Variants in GPRIN3 observed in about 807,000 individuals in gnomAD.
GPRIN3 encodes G protein-regulated inducer of neurite outgrowth 3.
Under a neutral mutation model 13.7 loss-of-function variants are expected in GPRIN3, and 12 were observed. The observed-to-expected ratio is 0.87, with a 90% CI of 0.56 to 1.42. The LOEUF is 1.42. GPRIN3 is among the 40% of genes most tolerant of loss of function. The pLI is 0.00. For synonymous variants in GPRIN3, 377 were observed against 372.7 expected (o/e 1.01, Z -0.13); for missense variants, 1,009 against 958.7 (o/e 1.05, Z -0.69).
At chr4:89,267,077 C>A (rs953711193) in intron 1 of GPRIN3, among the ~76,000 whole-genome samples, 2 of 152,026 alleles carry the variant, frequency 1.3e-5, no homozygotes, top group African/African-American at 4.8e-5. Flanking sequence ...TAAAACTATT[C>A]TTTTGTATTT....
At chr4:89,253,554 C>T (rs1400669981) in intron 1 of GPRIN3, among the ~76,000 whole-genome samples, 1 of 152,202 alleles carries the variant, frequency 6.6e-6, no homozygotes. Flanking sequence ...AAAACATGAA[C>T]AGCTCAAAGT....
chr4:89,246,144 G>A lies in GPRIN3; in HGVS notation c.*1636C>T, dbSNP rs994374330. On this transcript the variant is annotated 3_prime_UTR_variant, in exon 2 of 2. Transcript: ENST00000609438. The stretch of plus-strand genomic sequence containing the variant: ...AGAATGTGCAGAACAGAATTAAAGT[G>A]AAAAAAGCCAGAACAGATACTGTGA... 2 of 152,136 alleles carry A rather than the reference G, an allele frequency of 1.3e-5. No individual in the cohort carries two copies. Among genetic ancestry groups the A allele is most frequent in the Non-Finnish European group, 1.5e-5 (1 of 68,042 alleles). 9.4% of individuals were successfully genotyped at this position (152,136 alleles called of 1,614,324 possible).
chr4:89,305,594 A>G (rs1725011839), intron 1 of GPRIN3, among the ~76,000 whole-genome samples: 1 of 152,186 alleles, frequency 6.6e-6, no homozygotes, highest in Non-Finnish European at 1.5e-5. Context: ...TCTGAGCCCA[A>G]CATTTTATAA....
chr4:89,265,998 G>C (rs778144207), intron 1 of GPRIN3, among the ~76,000 whole-genome samples: 2 of 152,156 alleles, frequency 1.3e-5, no homozygotes, highest in African/African-American at 4.8e-5. Flanking sequence ...AACACAAAGC[G>C]CTACATTTTT....
At chr4:89,307,299 C>A (rs963912704) in intron 1 of GPRIN3, among the ~76,000 whole-genome samples, 1 of 139,784 alleles carries the variant, frequency 7.2e-6, no homozygotes, top group African/African-American at 2.9e-5. Flanking sequence ...ACACACACAC[C>A]CCTCATATTC....
chr4:89,251,214 G>T (rs2149257567), intron 1 of GPRIN3: 1 of 152,138 alleles, frequency 6.6e-6, no homozygotes, highest in Middle Eastern at 3.4e-3. Flanking sequence ...ATGAAAAGAT[G>T]ATCAAATTCA....
chr4:89,249,795 T>C lies in GPRIN3; in HGVS notation c.316A>G (p.Ser106Gly), dbSNP rs767842834. 2.0e-5 allele frequency: 32 copies of C among 1,614,074 alleles called. No homozygotes were observed. In the Admixed American group the frequency reaches 5.3e-4, roughly 27 times the overall value. Residue 106 changes from serine to glycine, a missense_variant, in exon 2 of 2, where the codon AGC becomes GGC. By Grantham distance (56) the Ser-to-Gly change is moderately conservative. Coordinates refer to ENST00000609438, the MANE Select transcript of GPRIN3 (RefSeq NM_198281.3). Reference protein sequence around the residue: ...SPGNPQLPGSSQPAASAPSSA... With the variant: ...SPGNPQLPGSGQPAASAPSSA... ...CTCGGGGCTGATGCTGCGGGCTGGCTGCTCCCTGGCAGCTGGGGATTGCCG... is the reference window on the plus strand; with the variant it reads ...CTCGGGGCTGATGCTGCGGGCTGGCCGCTCCCTGGCAGCTGGGGATTGCCG...
At chr4:89,270,871 T>A (rs920167860) in intron 1 of GPRIN3, among the ~76,000 whole-genome samples, 29 of 151,928 alleles carry the variant, frequency 1.9e-4, no homozygotes, top group Non-Finnish European at 3.5e-4. Context: ...AAATTGGAAC[T>A]TGGTGCAGCC....
At chr4:89,296,414 A>T (rs1325779156) in intron 1 of GPRIN3, among the ~76,000 whole-genome samples, 2 of 152,222 alleles carry the variant, frequency 1.3e-5, no homozygotes, top group Non-Finnish European at 2.9e-5. Flanking sequence ...CTACAGTTTT[A>T]AGAAGGAATT....
intron 1 of GPRIN3, among the ~76,000 whole-genome samples, chr4:89,293,112 T>C (rs1724628613): frequency 6.6e-6 from 1 of 152,230 alleles, no homozygotes; most frequent in Non-Finnish European, 1.5e-5. Context: ...TTTGCATAAG[T>C]CTATAGAAGT....
At chr4:89,302,822 C>T (rs72874806) in intron 1 of GPRIN3, among the ~76,000 whole-genome samples, 279 of 152,064 alleles carry the variant, frequency 1.8e-3, no homozygotes, top group African/African-American at 6.2e-3. Context: ...CTAATTTGAA[C>T]ACTCTGATAT....
At position 89,241,382 on chromosome 4, in the gene GPRIN3, A is replaced by G. The variant is rs1333221643; in HGVS notation, c.*6398T>C. The G allele has an allele frequency of 3.3e-5, 5 of 152,194 alleles. No homozygotes were observed. The highest frequency in any genetic ancestry group is 1.2e-4 in the African/African-American group (5 of 41,458). 9.4% of individuals were successfully genotyped at this position (152,194 alleles called of 1,614,324 possible). The stretch of plus-strand genomic sequence containing the variant: ...ACGACAAGTTATTTTTTTTACACAT[A>G]AAAATAGAAAACTGATCACTCAGAC... On this transcript the variant is annotated 3_prime_UTR_variant, in exon 2 of 2. Transcript: ENST00000609438.
chr4:89,261,881 G>T (rs112502961), intron 1 of GPRIN3, among the ~76,000 whole-genome samples: 1 of 152,046 alleles, frequency 6.6e-6, no homozygotes, highest in African/African-American at 2.4e-5. Flanking sequence ...GAGGCTGTAG[G>T]GGGGTGGATA....
intron 1 of GPRIN3, among the ~76,000 whole-genome samples, chr4:89,290,103 C>T (rs1247358190): frequency 6.6e-6 from 1 of 151,228 alleles, no homozygotes; most frequent in African/African-American, 2.4e-5. Flanking sequence ...AGTGAGAGAC[C>T]TGGACTACAG....
intron 1 of GPRIN3, among the ~76,000 whole-genome samples, chr4:89,281,936 A>G (rs1724262101): frequency 6.8e-6 from 1 of 148,102 alleles, no homozygotes; most frequent in African/African-American, 2.5e-5. Flanking sequence ...TAAAGTCTTT[A>G]TTATAATGCA....
rs1384667976 is a variant in GPRIN3 at position 89,245,306 on chromosome 4, A to G, written c.*2474T>C. The stretch of plus-strand genomic sequence containing the variant: ...GTGACAATCTCTTGAGTGTTGTAGA[A>G]GTGAAGAATTTGGTCCCAGCACCAA... On this transcript the variant is annotated 3_prime_UTR_variant, in exon 2 of 2. Transcript: ENST00000609438. The G allele has an allele frequency of 6.6e-6, 1 of 152,224 alleles. No individual in the cohort carries two copies. Among genetic ancestry groups the G allele is most frequent in the Non-Finnish European group, 1.5e-5 (1 of 68,046 alleles). The allele number at this position is 152,224 out of a possible 1,614,324, so 9.4% of individuals were successfully genotyped here.
intron 1 of GPRIN3, among the ~76,000 whole-genome samples, chr4:89,261,958 A>C (rs901884331): frequency 6.6e-6 from 1 of 151,254 alleles, no homozygotes; most frequent in Non-Finnish European, 1.5e-5. Flanking sequence ...CTAAAAATAC[A>C]CACACACACA....
At chr4:89,263,306 A>G (rs13140990) in intron 1 of GPRIN3, among the ~76,000 whole-genome samples, 1 of 152,060 alleles carries the variant, frequency 6.6e-6, no homozygotes, top group Non-Finnish European at 1.5e-5. Context: ...GTCCTTCACT[A>G]TCTGATCCAT....
At position 89,247,718 on chromosome 4, in the gene GPRIN3, G is replaced by A; in HGVS notation, c.*62C>T. 1.3e-6 allele frequency: 2 copies of A among 1,487,580 alleles called. No individual in the cohort carries two copies. Among genetic ancestry groups the A allele is most frequent in the East Asian group, 4.6e-5 (2 of 43,824 alleles). 92.1% of individuals were successfully genotyped at this position (1,487,580 alleles called of 1,614,324 possible). ...TGCAGCAAAAAACTAAGCAAGCTTTGACATAGAGGGACGCATGTGAATACC... is the reference window on the plus strand; with the variant it reads ...TGCAGCAAAAAACTAAGCAAGCTTTAACATAGAGGGACGCATGTGAATACC... On this transcript the variant is annotated 3_prime_UTR_variant, in exon 2 of 2. Coordinates refer to ENST00000609438, the MANE Select transcript of GPRIN3 (RefSeq NM_198281.3).
Sources: allele counts gnomAD v4.1 joint callset (sites outside exome capture counted in the v4.1 genomes callset), GRCh38; gene constraint gnomAD v4.1.1; transcripts MANE v1.5; gene names NCBI Gene and HGNC (gene_info 2026-07-23, HGNC 2026-07-21).